Variants in CSMD1 observed in about 807,000 individuals in gnomAD.
CSMD1 encodes the protein CUB and sushi domain-containing protein 1.
CSMD1 carries 213 observed loss-of-function variants against 417.5 expected under a neutral mutation model. The observed-to-expected ratio is 0.51, with a 90% CI of 0.46 to 0.57. The LOEUF is 0.57. Ranked by LOEUF, CSMD1 falls within the 20% of genes least tolerant of loss-of-function variation. CSMD1 has a pLI of 0.00. For missense variants in CSMD1, 6,923 were observed against 4,529.7 expected, an observed-to-expected ratio of 1.53 and a Z score of -15.17; for synonymous variants, 2,862 against 1,736.8, an observed-to-expected ratio of 1.65 and a Z score of -16.11.
chr8:4,066,033 G>C (rs1443153044), intron 3 of CSMD1, among the ~76,000 whole-genome samples: 2 of 152,184 alleles, frequency 1.3e-5, no homozygotes, highest in African/African-American at 2.4e-5. Flanking sequence ...AAGTCAGAAG[G>C]AGCCCTAAGA....
intron 10 of CSMD1, among the ~76,000 whole-genome samples, chr8:3,538,327 T>C (rs1304660610): frequency 1.3e-5 from 2 of 152,158 alleles, no homozygotes; most frequent in Non-Finnish European, 2.9e-5. Context: ...ATGCCTCATC[T>C]GAGATTATGC....
At chr8:4,269,256 C>A (rs1804419308) in intron 3 of CSMD1, among the ~76,000 whole-genome samples, 1 of 152,056 alleles carries the variant, frequency 6.6e-6, no homozygotes, top group South Asian at 2.1e-4. Flanking sequence ...GAGGTTTCAC[C>A]ATGTTGCCCA....
chr8:3,763,652 A>T (rs28602973), intron 5 of CSMD1, among the ~76,000 whole-genome samples: 30,065 of 152,112 alleles, frequency 0.2, 3,422 homozygotes, highest in South Asian at 0.28. Context: ...GTATTCCTAT[A>T]TAGCACTGCA....
At chr8:3,950,618 C>A (rs1444695989) in intron 5 of CSMD1, among the ~76,000 whole-genome samples, 1 of 152,184 alleles carries the variant, frequency 6.6e-6, no homozygotes, top group Non-Finnish European at 1.5e-5. Flanking sequence ...CGTGGCTCAG[C>A]AGGAACGTGT....
chr8:3,063,707 C>T (rs1381136040), intron 49 of CSMD1, among the ~76,000 whole-genome samples: 2 of 152,118 alleles, frequency 1.3e-5, no homozygotes, highest in South Asian at 2.1e-4. Context: ...CTTGAAGACA[C>T]TATGCGAAGT....
chr8:3,243,416 G>A (rs1241703869), intron 26 of CSMD1, among the ~76,000 whole-genome samples: 3 of 151,400 alleles, frequency 2.0e-5, no homozygotes, highest in Middle Eastern at 3.2e-3. Flanking sequence ...AGTCCGAAAA[G>A]AGAGTCACTG....
At chr8:3,620,504 T>C (rs1802372094) in intron 7 of CSMD1, among the ~76,000 whole-genome samples, 1 of 152,162 alleles carries the variant, frequency 6.6e-6, no homozygotes, top group African/African-American at 2.4e-5. Flanking sequence ...AAGATGTAAT[T>C]TACAACAGCA....
intron 3 of CSMD1, among the ~76,000 whole-genome samples, chr8:4,093,991 T>C (rs1398314837): frequency 1.3e-5 from 2 of 151,608 alleles, no homozygotes; most frequent in African/African-American, 4.8e-5. Flanking sequence ...GATAGATAGA[T>C]AGATAGATAG....
At chr8:4,575,806 G>T (rs1052670390) in intron 2 of CSMD1, among the ~76,000 whole-genome samples, 3 of 152,174 alleles carry the variant, frequency 2.0e-5, no homozygotes, top group African/African-American at 7.2e-5. Context: ...GCAATAACAA[G>T]CTAGTCTGAG....
At chr8:4,813,281 A>C (rs1409574920) in intron 1 of CSMD1, among the ~76,000 whole-genome samples, 1 of 152,208 alleles carries the variant, frequency 6.6e-6, no homozygotes, top group Non-Finnish European at 1.5e-5. Flanking sequence ...TCTGTTAAAA[A>C]ATAAACAAAT....
At chr8:3,921,005 C>T (rs551429094) in intron 5 of CSMD1, among the ~76,000 whole-genome samples, 2 of 152,144 alleles carry the variant, frequency 1.3e-5, no homozygotes, top group Admixed American at 6.6e-5. Flanking sequence ...GAAAATGTTT[C>T]CTCTTCTTCA....
At chr8:4,012,430 CTTAACTT>C (rs1031081218) in intron 4 of CSMD1, among the ~76,000 whole-genome samples, 4 of 152,148 alleles carry the variant, frequency 2.6e-5, no homozygotes, top group Admixed American at 2.6e-4. Flanking sequence ...ATGTTTTATT[CTTAACTT>C]TTATTTTTGT....
intron 2 of CSMD1, among the ~76,000 whole-genome samples, chr8:4,471,483 A>T (rs1800528438): frequency 6.6e-6 from 1 of 152,156 alleles, no homozygotes; most frequent in African/African-American, 2.4e-5. Flanking sequence ...GCATGTGCCT[A>T]ACAAAACATG....
intron 1 of CSMD1, among the ~76,000 whole-genome samples, chr8:4,797,810 C>T (rs907003189): frequency 3.3e-5 from 5 of 152,068 alleles, no homozygotes; most frequent in African/African-American, 7.2e-5. Flanking sequence ...TACTTGTGCT[C>T]ATGTAACAAA....
At chr8:3,578,353 T>A (rs1800239666) in intron 9 of CSMD1, among the ~76,000 whole-genome samples, 2 of 152,084 alleles carry the variant, frequency 1.3e-5, no homozygotes, top group South Asian at 4.1e-4. Flanking sequence ...CTGTTAGGGA[T>A]GCCTGCTGTC....
chr8:3,618,858 C>G (rs986323819), intron 7 of CSMD1, among the ~76,000 whole-genome samples: 1 of 152,158 alleles, frequency 6.6e-6, no homozygotes, highest in East Asian at 1.9e-4. Context: ...GCCCAGTGAC[C>G]AGTTTCCTCT....
At chr8:4,677,098 T>C (rs1035541954) in intron 1 of CSMD1, among the ~76,000 whole-genome samples, 2 of 147,032 alleles carry the variant, frequency 1.4e-5, no homozygotes, top group Non-Finnish European at 3.0e-5. Flanking sequence ...TATATTATAA[T>C]ATCTATCATA....
intron 1 of CSMD1, among the ~76,000 whole-genome samples, chr8:4,657,951 T>C (rs1585404771): frequency 1.3e-5 from 2 of 151,080 alleles, no homozygotes; most frequent in Non-Finnish European, 1.5e-5. Flanking sequence ...TGCTATAAAC[T>C]CATGAGAAGG....
In CSMD1 at chr8:4,018,676, T is replaced by G. The variant is rs373956071; in HGVS notation, c.610+13229A>C. On this transcript the variant is annotated intron_variant, in intron 4 of 69. Transcript: ENST00000635120. ...GTTTAATTCAAGTTGTAATATTTGT[T>G]TCTCAATTTTAAGTTAGGTTCTTTT... is the stretch of plus-strand genomic sequence containing the variant. 1.5e-3 allele frequency among the ~76,000 whole-genome samples: 231 copies of G among 152,338 alleles called. 5 individuals carry two copies. In the South Asian group the frequency reaches 0.047, roughly 31 times the overall value.
Sources: allele counts gnomAD v4.1 joint callset (sites outside exome capture counted in the v4.1 genomes callset), GRCh38; gene constraint gnomAD v4.1.1; transcripts MANE v1.5; gene names NCBI Gene and HGNC (gene_info 2026-07-23, HGNC 2026-07-21).